STAT4: variants seen among roughly 807,000 people sequenced by gnomAD.
The protein encoded by STAT4 is signal transducer and activator of transcription 4.
STAT4 carries 42 observed loss-of-function variants against 110.5 expected under a neutral mutation model. The ratio of observed to expected loss-of-function variants is 0.38; its 90% CI spans 0.30 to 0.49. STAT4 has a LOEUF of 0.49. STAT4 is among the 20% of genes least tolerant of loss of function. The pLI is 0.95. For synonymous variants in STAT4, 284 were observed against 302.2 expected (o/e 0.94, Z 0.63); for missense variants, 632 against 887.9 (o/e 0.71, Z 3.66).
rs866119124 is a variant in STAT4, at chr2:191,037,401, G to A, written c.1435-1102C>T. Among the ~76,000 whole-genome samples the A allele has an allele frequency of 4.6e-5, 7 of 152,102 alleles. No homozygotes were observed. Among genetic ancestry groups the A allele is most frequent in the African/African-American group, 1.7e-4 (7 of 41,392 alleles). ...ACTCCTGGGTTCAAGAAACTCTCTT[G>A]CCTCAACCTCTCAAGTAGCTGAAAC... is the stretch of plus-strand genomic sequence containing the variant. On this transcript the variant is annotated intron_variant, in intron 16 of 23. Coordinates refer to ENST00000392320, the MANE Select transcript of STAT4 (RefSeq NM_003151.4). This position sits in a 1 kb window ranked among gnomAD's most constrained non-coding sequence, Gnocchi z 4.8.
At chr2:191,128,095 A>ACAACACAGAGTTCT (rs6147088) in intron 3 of STAT4, among the ~76,000 whole-genome samples, 97,737 of 151,928 alleles carry the variant, frequency 0.64, 31,789 homozygotes, top group South Asian at 0.78. Context: ...CTTAAACAGC[A>ACAACACAGAGTTCT]CTAACCTTTC....
At chr2:191,065,834 A>T (rs1380154106) in intron 7 of STAT4, among the ~76,000 whole-genome samples, 1 of 152,210 alleles carries the variant, frequency 6.6e-6, no homozygotes, top group Non-Finnish European at 1.5e-5. Flanking sequence ...TTAAATTTCA[A>T]TTGCATGTAT....
intron 3 of STAT4, among the ~76,000 whole-genome samples, chr2:191,092,240 C>T (rs560057963): frequency 6.9e-4 from 105 of 152,108 alleles, no homozygotes; most frequent in African/African-American, 2.5e-3. Context: ...CCTGTCTCTA[C>T]TAAAAATACA....
chr2:191,090,282 A>G lies in STAT4; in HGVS notation c.274-13957T>C, dbSNP rs927535976. Among the ~76,000 whole-genome samples, 1 of 152,066 alleles carries G rather than the reference A, an allele frequency of 6.6e-6. No homozygotes were observed. The highest frequency in any genetic ancestry group is 2.1e-4 in the South Asian group (1 of 4,826). On this transcript the variant is annotated intron_variant, in intron 3 of 23. Transcript: ENST00000392320. The surrounding 1 kb of genome is among the most constrained non-coding windows in gnomAD (Gnocchi z 4.2). ...GTCTTACTAAAAAGTTTCAGTTCTCATATGCCCTCCTTATGCTATTCCTCT... is the reference window on the plus strand; with the variant it reads ...GTCTTACTAAAAAGTTTCAGTTCTCGTATGCCCTCCTTATGCTATTCCTCT...
rs1418758324 is a variant in STAT4 at position 191,148,141 on chromosome 2, G to T, written c.63C>A (p.Phe21Leu). 2 of 1,613,944 alleles carry T rather than the reference G, an allele frequency of 1.2e-6. No individual in the cohort carries two copies. Among genetic ancestry groups the T allele is most frequent in the Admixed American group, 3.3e-5 (2 of 60,004 alleles). The change falls in exon 2 of 24, where the codon TTC becomes TTA. Residue 21 changes from phenylalanine (F) to leucine (L), a missense_variant. Phe to Leu is a conservative substitution (Grantham distance 22). Coordinates refer to ENST00000392320, the MANE Select transcript of STAT4 (RefSeq NM_003151.4). ...TTTCCATGGGAAAGTTGTCATCATAGAATTGATCCACCTGCTCCAAAAACT... is the reference window on the plus strand; with the variant it reads ...TTTCCATGGGAAAGTTGTCATCATATAATTGATCCACCTGCTCCAAAAACT... ...EIKFLEQVDQFYDDNFPMEIR... is the reference protein window; with the variant it reads ...EIKFLEQVDQLYDDNFPMEIR...
In STAT4 at chr2:191,108,959, CA is replaced by C. The variant is rs780176405; in HGVS notation, c.274-32635del. Among the ~76,000 whole-genome samples, 67 of 152,104 alleles carry C rather than the reference CA, an allele frequency of 4.4e-4. 1 individual carries two copies. Among genetic ancestry groups the C allele is most frequent in the Non-Finnish European group, 1.8e-4 (12 of 67,998 alleles). On this transcript the variant is annotated intron_variant, in intron 3 of 23. Coordinates refer to ENST00000392320, the MANE Select transcript of STAT4 (RefSeq NM_003151.4). Reference sequence around the variant, plus strand: ...TGTGACAAACCTTTTTTCCACTTGGCAAAAACAGAAACCTCTTGGTTTCTAC... The same window carrying C: ...TGTGACAAACCTTTTTTCCACTTGGCAAAACAGAAACCTCTTGGTTTCTAC...
rs779825681 is a variant in STAT4 at position 191,033,040 on chromosome 2, A to G, written c.1962T>C (p.Pro654=). 24 of 1,614,110 alleles carry G rather than the reference A, an allele frequency of 1.5e-5. No homozygotes were observed. Among genetic ancestry groups the G allele is most frequent in the Non-Finnish European group, 1.9e-5 (23 of 1,180,050 alleles). The change falls in exon 21 of 24, where the codon CCT becomes CCC. Residue 654 remains proline (P), a synonymous_variant. Coordinates refer to ENST00000392320, the MANE Select transcript of STAT4 (RefSeq NM_003151.4). The surrounding 1 kb of genome is among the most constrained non-coding windows in gnomAD (Gnocchi z 6.9). The stretch of plus-strand genomic sequence containing the variant: ...GATATAGGTACTTCAGAGGGTTTTC[A>G]GGAATGTTTTCAGCCATAATAACTT... ...DYKVIMAENI[P]ENPLKYLYPD...
chr2:191,054,603 C>A (rs1180702808), intron 13 of STAT4, 69 bp from the exon 14 acceptor site: 1 of 1,397,176 alleles, frequency 7.2e-7, no homozygotes, highest in Non-Finnish European at 1.0e-6. Flanking sequence ...TTGGTCGTAC[C>A]TGTTGCGGTC....
In STAT4 at chr2:191,033,847, A is replaced by G; in HGVS notation, c.1715+64T>C. ...TGCTTAAGAGAAAAAGAAAGAAGAA[A>G]ACCAATAACAACAGAAAAAAAGAAC... On this transcript the variant is annotated intron_variant, in intron 19 of 23. Transcript: ENST00000392320. This position sits in a 1 kb window ranked among gnomAD's most constrained non-coding sequence, Gnocchi z 6.9. The G allele has an allele frequency of 3.5e-6, 5 of 1,439,510 alleles. No individual in the cohort carries two copies. Among genetic ancestry groups the G allele is most frequent in the Non-Finnish European group, 4.7e-6 (5 of 1,054,446 alleles). The allele number at this position is 1,439,510 out of a possible 1,614,324, so 89.2% of individuals were successfully genotyped here.
In STAT4 at chr2:191,125,162, A is replaced by C. The variant is rs529723175; in HGVS notation, c.273+21451T>G. On this transcript the variant is annotated intron_variant, in intron 3 of 23. Coordinates refer to ENST00000392320, the MANE Select transcript of STAT4 (RefSeq NM_003151.4). ...GGAAACCTGGTAAGCTGTGAAAGGC[A>C]GCTGTTTTTTTAAAAGTTTGATATG... 7.7e-4 allele frequency among the ~76,000 whole-genome samples: 118 copies of C among 152,326 alleles called. 1 individual carries two copies. Among genetic ancestry groups the C allele is most frequent in the Non-Finnish European group, 1.2e-3 (83 of 68,026 alleles).
Position 191,117,031 on chromosome 2 carries a change from A to G in STAT4, c.273+29582T>C, listed in dbSNP as rs1172939392. 1.3e-5 allele frequency among the ~76,000 whole-genome samples: 2 copies of G among 152,146 alleles called. No individual in the cohort carries two copies. The highest frequency in any genetic ancestry group is 2.9e-5 in the Non-Finnish European group (2 of 68,012). On this transcript the variant is annotated intron_variant, in intron 3 of 23. Coordinates refer to ENST00000392320, the MANE Select transcript of STAT4 (RefSeq NM_003151.4). The surrounding 1 kb of genome is among the most constrained non-coding windows in gnomAD (Gnocchi z 5.2). The stretch of plus-strand genomic sequence containing the variant: ...GTCTCAATCTTGGCTACATCTTACA[A>G]TCACCTGGGGAGCTTTACAAAATCC...
In STAT4 at chr2:191,059,348, T is replaced by A. The variant is rs1006173560; in HGVS notation, c.1035-579A>T. Among the ~76,000 whole-genome samples the A allele has an allele frequency of 5.9e-5, 9 of 152,212 alleles. No homozygotes were observed. The highest frequency in any genetic ancestry group is 2.2e-4 in the African/African-American group (9 of 41,454). ...AAGTAATTGAAGTTCAGTATAAAAA[T>A]TCCTTTAATTCCTTCTGGTGTCAGC... On this transcript the variant is annotated intron_variant, in intron 10 of 23. Transcript: ENST00000392320. This position sits in a 1 kb window ranked among gnomAD's most constrained non-coding sequence, Gnocchi z 4.7.
intron 3 of STAT4, among the ~76,000 whole-genome samples, chr2:191,114,417 C>T (rs932086696): frequency 1.3e-5 from 2 of 152,048 alleles, no homozygotes; most frequent in Non-Finnish European, 2.9e-5. Context: ...ATTTTGTGTG[C>T]AGTATAGAAT....
At chr2:191,070,065 T>G (rs1036781141) in intron 5 of STAT4, among the ~76,000 whole-genome samples, 3 of 152,208 alleles carry the variant, frequency 2.0e-5, no homozygotes, top group Admixed American at 6.6e-5. Flanking sequence ...ATATAATCTT[T>G]TTTTAATTGG....
In STAT4 at chr2:191,091,735, T is replaced by C. The variant is rs1697801141; in HGVS notation, c.274-15410A>G. The stretch of plus-strand genomic sequence containing the variant: ...AACTCTCAAAACTGTTTGTGATAAA[T>C]GCTGTCATCCTGAGTATACAGCTAG... On this transcript the variant is annotated intron_variant, in intron 3 of 23. Transcript: ENST00000392320. This position sits in a 1 kb window ranked among gnomAD's most constrained non-coding sequence, Gnocchi z 5.4. Among the ~76,000 whole-genome samples the C allele has an allele frequency of 6.6e-6, 1 of 152,222 alleles. No individual in the cohort carries two copies. Among genetic ancestry groups the C allele is most frequent in the Admixed American group, 6.5e-5 (1 of 15,278 alleles).
At chr2:191,064,638 G>C (rs1046311583) in intron 8 of STAT4, among the ~76,000 whole-genome samples, 169 bp downstream of exon 8, 2 of 152,154 alleles carry the variant, frequency 1.3e-5, no homozygotes, top group Non-Finnish European at 2.9e-5. Flanking sequence ...TGAAAACTAA[G>C]AACACTTATA....
At chr2:191,129,650 T>A (rs2125411767) in intron 3 of STAT4, among the ~76,000 whole-genome samples, 1 of 152,314 alleles carries the variant, frequency 6.6e-6, no homozygotes, top group East Asian at 1.9e-4. Context: ...CTTTCTTGAC[T>A]CAAAACAGTT....
chr2:191,036,392 C>A, intron 16 of STAT4, 93 bp from the exon 17 acceptor site: 1 of 1,280,340 alleles, frequency 7.8e-7, no homozygotes, highest in Non-Finnish European at 1.1e-6. Flanking sequence ...CCCCTCTCCC[C>A]ACACACATAC....
At chr2:191,130,665 G>A (rs1699011266) in intron 3 of STAT4, among the ~76,000 whole-genome samples, 2 of 151,710 alleles carry the variant, frequency 1.3e-5, no homozygotes, top group African/African-American at 2.4e-5. Context: ...ATGCATGGAA[G>A]CCATCATGTG....
Sources: allele counts gnomAD v4.1 joint callset (sites outside exome capture counted in the v4.1 genomes callset), GRCh38; gene constraint gnomAD v4.1.1; non-coding constraint Gnocchi (gnomAD v3.1); transcripts MANE v1.5; gene names NCBI Gene and HGNC (gene_info 2026-07-23, HGNC 2026-07-21).